Variants in DPP6 observed in about 807,000 individuals in gnomAD.
DPP6 encodes A-type potassium channel modulatory protein DPP6.
DPP6 carries 69 observed loss-of-function variants against 122.6 expected under a neutral mutation model. The observed-to-expected ratio is 0.56, with a 90% confidence interval of 0.46 to 0.69. The LOEUF (loss-of-function observed/expected upper bound fraction) is 0.69. Among genes scored for constraint, DPP6 ranks in the 30% least tolerant of loss-of-function variants. DPP6 has a pLI of 0.00. For missense variants in DPP6, 928 were observed against 1,116.9 expected (o/e 0.83, Z 2.41); for synonymous variants, 418 against 433.1 (o/e 0.97, Z 0.43).
chr7:153,924,723 T>C (rs934632710), intron 1 of DPP6, among the ~76,000 whole-genome samples: 1 of 152,168 alleles, frequency 6.6e-6, no homozygotes, highest in Non-Finnish European at 1.5e-5. Context: ...TCTGAGTCAT[T>C]GATGGCCAGA....
At chr7:154,531,332 T>G (rs1315288897) in intron 3 of DPP6, among the ~76,000 whole-genome samples, 2 of 152,076 alleles carry the variant, frequency 1.3e-5, no homozygotes, top group Non-Finnish European at 2.9e-5. Flanking sequence ...TGACTTCTCA[T>G]TAAAAACCAT....
At chr7:154,030,896 G>A (rs985281864) in intron 1 of DPP6, among the ~76,000 whole-genome samples, 5 of 151,972 alleles carry the variant, frequency 3.3e-5, no homozygotes, top group Non-Finnish European at 5.9e-5. Context: ...GCATGTCTCT[G>A]AGCTATTAAT....
intron 1 of DPP6, among the ~76,000 whole-genome samples, chr7:154,284,412 A>G (rs1167887652): frequency 6.6e-6 from 1 of 152,240 alleles, no homozygotes; most frequent in African/African-American, 2.4e-5. Context: ...TGCAGCATTA[A>G]CAATAACCAA....
intron 1 of DPP6, among the ~76,000 whole-genome samples, chr7:154,185,097 A>G (rs1191728462): frequency 6.6e-6 from 1 of 152,242 alleles, no homozygotes; most frequent in African/African-American, 2.4e-5. Context: ...TAGAAGGACA[A>G]AAGAAAATCT....
At chr7:153,954,817 C>T (rs1802383232) in intron 1 of DPP6, among the ~76,000 whole-genome samples, 1 of 152,288 alleles carries the variant, frequency 6.6e-6, no homozygotes. Flanking sequence ...ACTAGCCAAG[C>T]CTCCACGATC....
chr7:154,208,400 C>G (rs531272415), intron 1 of DPP6, among the ~76,000 whole-genome samples: 2 of 152,340 alleles, frequency 1.3e-5, no homozygotes, highest in East Asian at 1.9e-4. Flanking sequence ...TTTGAAGACC[C>G]CTTCACAACC....
intron 1 of DPP6, among the ~76,000 whole-genome samples, chr7:154,091,043 C>T (rs961796469): frequency 2.0e-5 from 3 of 151,578 alleles, no homozygotes; most frequent in Admixed American, 2.0e-4. Flanking sequence ...ATGGTGTGAA[C>T]CCAGGAGGTG....
chr7:154,128,428 G>A (rs1745003440), intron 1 of DPP6, among the ~76,000 whole-genome samples: 1 of 152,192 alleles, frequency 6.6e-6, no homozygotes, highest in African/African-American at 2.4e-5. Flanking sequence ...TTGAGACGGA[G>A]TCTCGCCCTA....
upstream of DPP6, among the ~76,000 whole-genome samples, chr7:153,885,203 ATT>A (rs1798865901): frequency 6.6e-6 from 1 of 151,728 alleles, no homozygotes; most frequent in African/African-American, 2.4e-5. Context: ...TTACAATCGG[ATT>A]TAGATTGGTG....
intron 1 of DPP6, among the ~76,000 whole-genome samples, chr7:154,419,425 C>G (rs1048484545): frequency 1.3e-5 from 2 of 152,152 alleles, no homozygotes; most frequent in African/African-American, 4.8e-5. Flanking sequence ...GATATGTTTG[C>G]GTTTTCCATC....
rs1250808130 is a variant in DPP6 at position 154,151,903 on chromosome 7, A to G, written c.243+98840A>G. Among the ~76,000 whole-genome samples the G allele has an allele frequency of 2.3e-3, 346 of 149,424 alleles. 2 individuals carry two copies. Among genetic ancestry groups the G allele is most frequent in the African/African-American group, 7.9e-3 (314 of 39,986 alleles). On this transcript the variant is annotated intron_variant, in intron 1 of 25. Coordinates refer to ENST00000377770, the MANE Select transcript of DPP6 (RefSeq NM_130797.4). ...GGCATGCTTTTAAAGAGGCTTTTCC[A>G]TCACCTTTGAGCATCACCTGCCTAC...
chr7:154,071,991 T>A (rs1803151574), intron 1 of DPP6, among the ~76,000 whole-genome samples: 1 of 152,212 alleles, frequency 6.6e-6, no homozygotes, highest in African/African-American at 2.4e-5. Flanking sequence ...ACGTGCCTGG[T>A]ACACATGCTA....
chr7:154,329,311 A>G (rs1033920148), intron 1 of DPP6, among the ~76,000 whole-genome samples: 6 of 152,248 alleles, frequency 3.9e-5, no homozygotes, highest in Non-Finnish European at 7.3e-5. Flanking sequence ...CACTAGCCAC[A>G]TGTTGCTGTC....
intron 16 of DPP6, among the ~76,000 whole-genome samples, chr7:154,843,406 C>T (rs757657817): frequency 6.6e-5 from 10 of 152,192 alleles, no homozygotes; most frequent in Admixed American, 2.6e-4. Context: ...AAAGCAATCC[C>T]GTGTTCTCAG....
At chr7:154,411,796 A>T (rs1209988169) in intron 1 of DPP6, among the ~76,000 whole-genome samples, 2 of 152,190 alleles carry the variant, frequency 1.3e-5, no homozygotes, top group Non-Finnish European at 2.9e-5. Flanking sequence ...GCATTCGAGT[A>T]ATTTTAACTC....
intron 5 of DPP6, among the ~76,000 whole-genome samples, chr7:154,633,243 C>T (rs1187568851): frequency 1.3e-5 from 2 of 150,720 alleles, no homozygotes; most frequent in Non-Finnish European, 3.0e-5. Context: ...TTTATTTATT[C>T]ATTTAGTTTT....
intron 7 of DPP6, among the ~76,000 whole-genome samples, chr7:154,703,413 G>A (rs2131273004): frequency 6.6e-6 from 1 of 152,264 alleles, no homozygotes; most frequent in East Asian, 1.9e-4. Flanking sequence ...GGGGTCAGGA[G>A]TTCGAGACCA....
intron 7 of DPP6, among the ~76,000 whole-genome samples, chr7:154,680,694 TAAAAAA>T (rs111811314): frequency 3.6e-4 from 54 of 149,502 alleles, no homozygotes; most frequent in African/African-American, 1.3e-3. Context: ...ATATTTTTTT[TAAAAAA>T]AAATTAAAAA....
At chr7:154,330,795 A>G (rs972242776) in intron 1 of DPP6, among the ~76,000 whole-genome samples, 1 of 152,188 alleles carries the variant, frequency 6.6e-6, no homozygotes, top group East Asian at 1.9e-4. Context: ...CTTGTTCACC[A>G]TAGTGCTCTG....
Sources: gnomAD v4.1 joint callset for allele counts (sites outside exome capture counted in the v4.1 genomes callset) on GRCh38, gnomAD v4.1.1 for gene constraint, MANE v1.5 for transcripts, NCBI Gene and HGNC (gene_info 2026-07-23, HGNC 2026-07-21) for gene names.